CYP7B1: variants seen among roughly 807,000 people sequenced by gnomAD.
The protein encoded by CYP7B1 is cytochrome P450 7B1.
In CYP7B1, 29 loss-of-function variants were observed where a neutral mutation model predicts 42.7. That is an observed-to-expected ratio of 0.68 (90% confidence interval 0.51 to 0.93). The LOEUF is 0.93. CYP7B1 is among the 40% of genes least tolerant of loss of function. CYP7B1 has a pLI of 0.00. For missense variants in CYP7B1, 655 were observed against 600.5 expected, an observed-to-expected ratio of 1.09 and a Z score of -0.95; for synonymous variants, 235 against 218.2, an observed-to-expected ratio of 1.08 and a Z score of -0.68.
chr8:64,722,969 T>C (rs559200904), intron 1 of CYP7B1, among the ~76,000 whole-genome samples: 1 of 152,254 alleles, frequency 6.6e-6, no homozygotes, highest in South Asian at 2.1e-4. Context: ...AACGTTAAAA[T>C]AGAGTAAAAT....
intron 1 of CYP7B1, among the ~76,000 whole-genome samples, chr8:64,755,953 C>T (rs1807801300): frequency 6.6e-6 from 1 of 152,116 alleles, no homozygotes; most frequent in East Asian, 1.9e-4. Context: ...AGCTAGTACA[C>T]CATAGAAAAA....
intron 1 of CYP7B1, among the ~76,000 whole-genome samples, chr8:64,696,989 T>TG (rs1806838578): frequency 6.6e-6 from 1 of 152,212 alleles, no homozygotes; most frequent in African/African-American, 2.4e-5. Context: ...TGTGAAATTG[T>TG]GGCAAATGCT....
rs779409818 is a variant in CYP7B1 at position 64,615,077 on chromosome 8, C to G, written c.1006G>C (p.Gly336Arg). 13 of 1,613,618 alleles carry G rather than the reference C, an allele frequency of 8.1e-6. No individual in the cohort carries two copies. Among genetic ancestry groups the G allele is most frequent in the Non-Finnish European group, 1.1e-5 (13 of 1,179,720 alleles). Residue 336 changes from glycine (G) to arginine (R), a missense_variant, in exon 4 of 6, where the codon GGA becomes CGA. Physicochemically the swap from Gly to Arg is moderately radical, Grantham distance 125 (BLOSUM62 -2). Coordinates refer to ENST00000310193, the MANE Select transcript of CYP7B1 (RefSeq NM_004820.5). ...LQSTGQKKGS[G>R]FPIHLTREQL... is the part of the protein sequence containing the mutation. ...TCTCTGGTGAGGTGGATGGGAAATC[C>G]AGACCCTTTCTTTTGACCTGTTGAC...
intron 1 of CYP7B1, among the ~76,000 whole-genome samples, chr8:64,795,494 T>G (rs1804690526): frequency 6.6e-6 from 1 of 152,254 alleles, no homozygotes; most frequent in Admixed American, 6.5e-5. Context: ...CCCTGAGCTT[T>G]TGGTGCTCAC....
chr8:64,785,928 C>A (rs1804519060), intron 1 of CYP7B1, among the ~76,000 whole-genome samples: 1 of 152,158 alleles, frequency 6.6e-6, no homozygotes, highest in African/African-American at 2.4e-5. Flanking sequence ...CAAACACATC[C>A]TTCTTCACAT....
intron 1 of CYP7B1, among the ~76,000 whole-genome samples, chr8:64,632,750 G>GA (rs2129630757): frequency 6.6e-6 from 1 of 152,226 alleles, no homozygotes; most frequent in African/African-American, 2.4e-5. Flanking sequence ...TTATTGGTGA[G>GA]AAAGTAGGTG....
Position 64,798,539 on chromosome 8 carries a change from A to G in CYP7B1, c.49T>C (p.Leu17=). The change falls in exon 1 of 6, where the codon TTG becomes CTG. Residue 17 remains leucine, a synonymous_variant. Coordinates refer to ENST00000310193, the MANE Select transcript of CYP7B1 (RefSeq NM_004820.5). The stretch of plus-strand genomic sequence containing the variant: ...GCGAGGGCCAGGCCCGGGAGGCCCA[A>G]CCGCTCCAGCGAAAAGCGGCCCGTG... The part of the protein sequence containing the change: ...AATGRFSLER[L]GLPGLALAAA... 2.0e-6 allele frequency: 3 copies of G among 1,497,908 alleles called. No individual in the cohort carries two copies. Among genetic ancestry groups the G allele is most frequent in the Admixed American group, 2.2e-5 (1 of 45,984 alleles). The allele number at this position is 1,497,908 out of a possible 1,614,324, so 92.8% of individuals were successfully genotyped here.
intron 1 of CYP7B1, among the ~76,000 whole-genome samples, chr8:64,719,870 T>C (rs1038807394): frequency 3.3e-5 from 5 of 152,220 alleles, no homozygotes; most frequent in Admixed American, 2.6e-4. Context: ...TACCCAGCCA[T>C]ACATTCATGT....
intron 1 of CYP7B1, among the ~76,000 whole-genome samples, chr8:64,686,650 G>C (rs1344630935): frequency 1.7e-5 from 1 of 57,798 alleles, no homozygotes; most frequent in East Asian, 3.2e-4. Context: ...CATTGAGAAC[G>C]GGCCAGGATG....
At chr8:64,705,517 C>CA (rs199664304) in intron 1 of CYP7B1, among the ~76,000 whole-genome samples, 1,794 of 135,150 alleles carry the variant, frequency 0.013, 27 homozygotes, top group Non-Finnish European at 0.015. Flanking sequence ...AAGTCCATGC[C>CA]AAAAAAAAAA....
At chr8:64,781,628 T>C (rs1339191499) in intron 1 of CYP7B1, among the ~76,000 whole-genome samples, 3 of 152,182 alleles carry the variant, frequency 2.0e-5, no homozygotes, top group Non-Finnish European at 4.4e-5. Flanking sequence ...CTCTGCCTCC[T>C]GTTTCCAGTT....
At chr8:64,610,074 T>G (rs1805341520) in intron 4 of CYP7B1, among the ~76,000 whole-genome samples, 1 of 152,166 alleles carries the variant, frequency 6.6e-6, no homozygotes. Context: ...TTCTGCTGAG[T>G]CACATGTTTC....
downstream of CYP7B1, among the ~76,000 whole-genome samples, chr8:64,586,795 G>T (rs1804974217): frequency 6.6e-6 from 1 of 152,114 alleles, no homozygotes; most frequent in Non-Finnish European, 1.5e-5. Context: ...TTGTTGTGTG[G>T]GCAAAGTAAA....
chr8:64,668,798 G>C (rs1260362721), intron 1 of CYP7B1, among the ~76,000 whole-genome samples: 3 of 150,338 alleles, frequency 2.0e-5, no homozygotes, highest in African/African-American at 7.3e-5. Flanking sequence ...TTTAAATCAA[G>C]GGGAGAATGA....
chr8:64,794,723 G>T (rs936521500), intron 1 of CYP7B1, among the ~76,000 whole-genome samples: 1 of 152,056 alleles, frequency 6.6e-6, no homozygotes, highest in African/African-American at 2.4e-5. Flanking sequence ...AATTTTAGAG[G>T]GGAAGCAAAC....
Position 64,593,108 on chromosome 8 carries a change from A to G in CYP7B1, c.*3534T>C, listed in dbSNP as rs777136225. ...GTGTTCTCTGTGCCTTAACATCACA[A>G]AAGTGTACCACTAAGTTGAATTTAA... On this transcript the variant is annotated 3_prime_UTR_variant, in exon 6 of 6. Coordinates refer to ENST00000310193, the MANE Select transcript of CYP7B1 (RefSeq NM_004820.5). 2.2e-4 allele frequency among the ~76,000 whole-genome samples: 33 copies of G among 152,360 alleles called. No individual in the cohort carries two copies. Among genetic ancestry groups the G allele is most frequent in the Non-Finnish European group, 4.4e-4 (30 of 68,036 alleles).
At chr8:64,608,471 G>C (rs1805315795) in intron 4 of CYP7B1, among the ~76,000 whole-genome samples, 2 of 152,232 alleles carry the variant, frequency 1.3e-5, no homozygotes, top group East Asian at 3.8e-4. Context: ...AATGATTGGT[G>C]CAGGCTGGCA....
At chr8:64,742,347 T>C (rs1241640199) in intron 1 of CYP7B1, among the ~76,000 whole-genome samples, 3 of 152,138 alleles carry the variant, frequency 2.0e-5, no homozygotes, top group East Asian at 1.9e-4. Context: ...TATTTTTATA[T>C]TTGCGGAGTA....
Position 64,798,649 on chromosome 8 carries a change from A to G in CYP7B1, c.-62T>C. The G allele has an allele frequency of 7.1e-7, 1 of 1,413,110 alleles. No individual in the cohort carries two copies. Among genetic ancestry groups the G allele is most frequent in the Non-Finnish European group, 9.2e-7 (1 of 1,090,542 alleles). 87.5% of individuals were successfully genotyped at this position (1,413,110 alleles called of 1,614,324 possible). A position where few individuals can be genotyped will look rare whatever the true frequency, so the allele number is the denominator to read the frequency against. On this transcript the variant is annotated 5_prime_UTR_variant, in exon 1 of 6. Coordinates refer to ENST00000310193, the MANE Select transcript of CYP7B1 (RefSeq NM_004820.5). ...CTGCCTGCGAACAGCGCGGTCGGCG[A>G]CTCTGCAGCCTGCGGCGGCTTCTCT... is the stretch of plus-strand genomic sequence containing the variant.
Sources: allele counts gnomAD v4.1 joint callset (sites outside exome capture counted in the v4.1 genomes callset), GRCh38; gene constraint gnomAD v4.1.1; transcripts MANE v1.5; gene names NCBI Gene and HGNC (gene_info 2026-07-23, HGNC 2026-07-21).